The following IRF2 variants were observed in gnomAD, a reference collection of about 807,000 sequenced individuals.
The protein encoded by IRF2 is interferon regulatory factor 2.
A neutral mutation model predicts 40.6 loss-of-function variants in IRF2; 15 were observed. The ratio of observed to expected loss-of-function variants is 0.37; its 90% CI spans 0.25 to 0.57. The LOEUF is 0.57. Among genes scored for constraint, IRF2 ranks in the 20% least tolerant of loss-of-function variants. The probability of loss-of-function intolerance (pLI) is 0.77; values close to 1 mark genes in which losing one functional copy is unlikely to be tolerated. For synonymous variants in IRF2, 151 were observed against 165.5 expected, an observed-to-expected ratio of 0.91 and a Z score of 0.67; for missense variants, 317 against 455.7, an observed-to-expected ratio of 0.70 and a Z score of 2.77.
intron 2 of IRF2, among the ~76,000 whole-genome samples, chr4:184,420,581 G>A (rs1407707342): frequency 6.6e-6 from 1 of 152,026 alleles, no homozygotes; most frequent in African/African-American, 2.4e-5. Context: ...ACTCAAAACC[G>A]CCTCAAGCAA....
At chr4:184,407,382 C>T (rs571503275) in intron 6 of IRF2, 4 of 469,542 alleles carry the variant, frequency 8.5e-6, no homozygotes, top group South Asian at 8.0e-5. Context: ...TGCATCTGGC[C>T]ATACAGGAGA....
chr4:184,388,625 A>T lies in IRF2; in HGVS notation c.*133T>A. ...TCCAGTACTGGAGTTGGACACAGCA[A>T]TCAATGTTCTATTGTCAAGGCTTTT... On this transcript the variant is annotated 3_prime_UTR_variant, in exon 9 of 9. Coordinates refer to ENST00000393593, the MANE Select transcript of IRF2 (RefSeq NM_002199.4). This position sits in a 1 kb window ranked among gnomAD's most constrained non-coding sequence, Gnocchi z 4.6. 2.2e-6 allele frequency: 2 copies of T among 906,866 alleles called. No homozygotes were observed. Among genetic ancestry groups the T allele is most frequent in the Non-Finnish European group, 3.4e-6 (2 of 591,130 alleles). The allele number at this position is 906,866 out of a possible 1,614,324, so 56.2% of individuals were successfully genotyped here.
intron 1 of IRF2, among the ~76,000 whole-genome samples, chr4:184,434,288 G>T (rs1737998279): frequency 6.6e-6 from 1 of 152,196 alleles, no homozygotes; most frequent in East Asian, 1.9e-4. Flanking sequence ...CATTGCTGGT[G>T]TGTGTCCTTG....
chr4:184,389,139 GC>G, intron 8 of IRF2, 73 bp from the exon 9 acceptor site: 1 of 1,451,968 alleles, frequency 6.9e-7, no homozygotes, highest in African/African-American at 1.4e-5. Context: ...TGCATCACTG[GC>G]CAGGTGTGGT....
intron 1 of IRF2, among the ~76,000 whole-genome samples, chr4:184,454,819 T>C (rs1738853496): frequency 6.6e-6 from 1 of 152,198 alleles, no homozygotes; most frequent in Non-Finnish European, 1.5e-5. Context: ...AATAGCAACT[T>C]AGCAGAGCTA....
intron 1 of IRF2, among the ~76,000 whole-genome samples, chr4:184,444,986 G>A (rs538197928): frequency 8.5e-5 from 13 of 152,314 alleles, no homozygotes; most frequent in South Asian, 2.1e-4. Flanking sequence ...CAAGGACCAC[G>A]CGCAAACTTC....
At chr4:184,412,057 C>T (rs1054481045) in intron 5 of IRF2, among the ~76,000 whole-genome samples, 23 of 148,962 alleles carry the variant, frequency 1.5e-4, no homozygotes, top group Non-Finnish European at 2.1e-4. Flanking sequence ...GACTTCTCCA[C>T]GGTGCATGAA....
At chr4:184,423,173 A>G (rs1331024083) in intron 2 of IRF2, among the ~76,000 whole-genome samples, 1 of 152,190 alleles carries the variant, frequency 6.6e-6, no homozygotes, top group Non-Finnish European at 1.5e-5. Flanking sequence ...ATGTGTGTGT[A>G]GACCCCGTGA....
chr4:184,473,289 C>T (rs1298595242), intron 1 of IRF2, among the ~76,000 whole-genome samples: 30 of 150,278 alleles, frequency 2.0e-4, no homozygotes, highest in Admixed American at 2.0e-3. Context: ...GGGACGCCGG[C>T]CCCCACTGCG....
At position 184,413,947 on chromosome 4, in the gene IRF2, T is replaced by C. The variant is rs1472188252; in HGVS notation, c.411+4220A>G. Among the ~76,000 whole-genome samples, 1 of 152,218 alleles carries C rather than the reference T, an allele frequency of 6.6e-6. No individual in the cohort carries two copies. Among genetic ancestry groups the C allele is most frequent in the African/African-American group, 2.4e-5 (1 of 41,462 alleles). On this transcript the variant is annotated intron_variant, in intron 5 of 8. Transcript: ENST00000393593. This position sits in a 1 kb window ranked among gnomAD's most constrained non-coding sequence, Gnocchi z 4.2. ...CCTTCATTCCTGATGCCCCTAGTGC[T>C]GCGGAAGGACCAGTTTGACCCTGTC...
rs930391281 is a variant in IRF2, at chr4:184,415,977, A to G, written c.411+2190T>C. 6.6e-5 allele frequency among the ~76,000 whole-genome samples: 10 copies of G among 152,336 alleles called. No individual in the cohort carries two copies. In the East Asian group the frequency reaches 1.9e-3, roughly 29 times the overall value. On this transcript the variant is annotated intron_variant, in intron 5 of 8. Transcript: ENST00000393593. The stretch of plus-strand genomic sequence containing the variant: ...GCAAATTCTCACACATGTGTGAGAA[A>G]GCTGTGCTTTTCTGACTAAATAACA...
intron 1 of IRF2, among the ~76,000 whole-genome samples, chr4:184,438,496 C>T (rs983561091): frequency 6.6e-6 from 1 of 152,058 alleles, no homozygotes; most frequent in Non-Finnish European, 1.5e-5. Context: ...TTATACTGGT[C>T]CTGGGGTTGA....
At chr4:184,406,532 A>G (rs1156474387) in intron 6 of IRF2, among the ~76,000 whole-genome samples, 2 of 152,080 alleles carry the variant, frequency 1.3e-5, no homozygotes, top group Non-Finnish European at 2.9e-5. Context: ...CCAGCCTCAG[A>G]GCTACTTTTT....
chr4:184,451,147 T>C (rs1001354054), intron 1 of IRF2, among the ~76,000 whole-genome samples: 1 of 152,162 alleles, frequency 6.6e-6, no homozygotes, highest in Non-Finnish European at 1.5e-5. Flanking sequence ...GAAATTCAGT[T>C]CAAAGAGGCA....
In IRF2 at chr4:184,452,892, A is replaced by G. The variant is rs180973617; in HGVS notation, c.-7+21487T>C. On this transcript the variant is annotated intron_variant, in intron 1 of 8. Transcript: ENST00000393593. The stretch of plus-strand genomic sequence containing the variant: ...TTTTGCATCTTACATGCACTATGGG[A>G]GTATAAAATAGGTACAAAATTTCCA... Among the ~76,000 whole-genome samples, 30 of 152,078 alleles carry G rather than the reference A, an allele frequency of 2.0e-4. No homozygotes were observed. In the East Asian group the frequency reaches 5.4e-3, roughly 27 times the overall value.
intron 1 of IRF2, among the ~76,000 whole-genome samples, chr4:184,442,805 C>T (rs1368028518): frequency 6.8e-6 from 1 of 148,108 alleles, no homozygotes; most frequent in Non-Finnish European, 1.5e-5. Context: ...CTCCAACCTA[C>T]TTAAATCTCT....
intron 2 of IRF2, among the ~76,000 whole-genome samples, chr4:184,422,371 T>C (rs1460538320): frequency 6.6e-6 from 1 of 152,178 alleles, no homozygotes; most frequent in East Asian, 1.9e-4. Context: ...GAGAAAAAGT[T>C]TGGCCATTCC....
intron 1 of IRF2, among the ~76,000 whole-genome samples, chr4:184,460,641 GCA>G (rs767144163): frequency 0.017 from 2,387 of 142,220 alleles, 73 homozygotes; most frequent in African/African-American, 0.055. Flanking sequence ...ACGCATGCAC[GCA>G]CACACACACA....
At chr4:184,441,056 CACAT>C (rs1282835931) in intron 1 of IRF2, among the ~76,000 whole-genome samples, 5 of 152,214 alleles carry the variant, frequency 3.3e-5, no homozygotes, top group African/African-American at 1.2e-4. Flanking sequence ...CAACACAAGA[CACAT>C]ACATGCCCCC....
Sources: gnomAD v4.1 joint callset for allele counts (sites outside exome capture counted in the v4.1 genomes callset) on GRCh38, gnomAD v4.1.1 for gene constraint, Gnocchi (gnomAD v3.1) non-coding constraint, MANE v1.5 for transcripts, NCBI Gene and HGNC (gene_info 2026-07-23, HGNC 2026-07-21) for gene names.